Variants in GSTA5 observed in about 807,000 individuals in gnomAD.
The protein encoded by GSTA5 is glutathione S-transferase alpha 5.
In GSTA5, 25 loss-of-function variants were observed where a neutral mutation model predicts 21.8. The observed-to-expected ratio is 1.14, with a 90% CI of 0.83 to 1.60. The LOEUF is 1.60. Among genes scored for constraint, GSTA5 ranks in the 40% most tolerant of loss-of-function variants. The pLI is 0.00. For missense variants in GSTA5, 330 were observed against 259.2 expected, an observed-to-expected ratio of 1.27 and a Z score of -1.88; for synonymous variants, 102 against 89.5, an observed-to-expected ratio of 1.14 and a Z score of -0.78.
At chr6:52,836,267 G>T (rs1359924281) in exon 3 of GSTA5, 1 of 1,613,720 alleles carries the variant, frequency 6.2e-7, no homozygotes, top group East Asian at 2.2e-5. Context: ...TTCCCATAAA[G>T]GTTGTATTTG....
upstream of GSTA5, among the ~76,000 whole-genome samples, chr6:52,845,838 C>T (rs1764446552): frequency 6.6e-6 from 1 of 152,084 alleles, no homozygotes. Context: ...AATGCTGAGG[C>T]CCTGGTTTTC....
chr6:52,839,835 C>T (rs1384595953), intron 1 of GSTA5, among the ~76,000 whole-genome samples: 1 of 152,212 alleles, frequency 6.6e-6, no homozygotes, highest in Non-Finnish European at 1.5e-5. Flanking sequence ...GACCTGGTAA[C>T]ACTGGGGAAT....
chr6:52,833,850 G>C (rs1764252114), intron 4 of GSTA5, among the ~76,000 whole-genome samples: 1 of 152,172 alleles, frequency 6.6e-6, no homozygotes, highest in African/African-American at 2.4e-5. Context: ...GTGTGATCCA[G>C]AGCCCTCCAC....
chr6:52,837,667 T>C lies in GSTA5; in HGVS notation c.88-58A>G, dbSNP rs1764312601. On this transcript the variant is annotated intron_variant, in intron 1 of 5. Transcript: ENST00000370989. ...AGTTAATTCTATTATAGACTTGTGA[T>C]GTTGAATGGCCCCTATCTGGTGCAT... 14 of 1,210,350 alleles carry C rather than the reference T, an allele frequency of 1.2e-5. 1 individual carries two copies. The highest frequency in any genetic ancestry group is 1.7e-5 in the Non-Finnish European group (14 of 821,822). 75.0% of individuals were successfully genotyped at this position (1,210,350 alleles called of 1,614,324 possible).
intron 3 of GSTA5, among the ~76,000 whole-genome samples, chr6:52,835,642 G>A (rs565427139): frequency 7.9e-4 from 120 of 152,302 alleles, no homozygotes; most frequent in African/African-American, 2.8e-3. Context: ...TCACAACAGA[G>A]AGGAGACCCC....
rs989363535 is a variant in GSTA5, at chr6:52,836,739, T to C, written c.140-371A>G. 5.9e-5 allele frequency among the ~76,000 whole-genome samples: 9 copies of C among 152,328 alleles called. 1 individual carries two copies. The highest frequency in any genetic ancestry group is 2.0e-4 in the Admixed American group (3 of 15,306). Reference sequence around the variant, plus strand: ...GTTGGCCAAACTGGTCTCGAACTCCTGACCTCAAATGATCCACCCGCCTCA... The same window carrying C: ...GTTGGCCAAACTGGTCTCGAACTCCCGACCTCAAATGATCCACCCGCCTCA... On this transcript the variant is annotated intron_variant, in intron 2 of 5. Transcript: ENST00000370989.
intron 2 of GSTA5, among the ~76,000 whole-genome samples, chr6:52,836,905 T>G (rs1184973972): frequency 6.6e-6 from 1 of 152,206 alleles, no homozygotes; most frequent in African/African-American, 2.4e-5. Context: ...TTGTTTTTAT[T>G]TCCCCTCCAG....
At chr6:52,839,113 C>T (rs1280113318) in intron 1 of GSTA5, among the ~76,000 whole-genome samples, 1 of 152,110 alleles carries the variant, frequency 6.6e-6, no homozygotes. Flanking sequence ...CAGTTCAGGA[C>T]AAACCTAAGG....
At chr6:52,834,254 C>A in exon 4 of GSTA5, 18 of 1,613,962 alleles carry the variant, frequency 1.1e-5, no homozygotes, top group Non-Finnish European at 1.5e-5. Flanking sequence ...TCAGTCAAAT[C>A]TACTATACCT....
At position 52,836,338 on chromosome 6, in the gene GSTA5, A is replaced by G. The variant is rs544701418; in HGVS notation, c.170T>C (p.Met57Thr). 2.5e-5 allele frequency: 40 copies of G among 1,613,840 alleles called. No homozygotes were observed. In the South Asian group the frequency reaches 3.3e-4, roughly 13 times the overall value. ...CAGCTTCATCCCGTCAATCTCAACC[A>G]TTGGTACTTGCTGGAACAGCAAACT... The change falls in exon 3 of 6, where the codon ATG becomes ACG. Residue 57 changes from methionine (M) to threonine (T), a missense_variant. Coordinates refer to ENST00000370989, the Ensembl canonical transcript of GSTA5.
At chr6:52,833,413 T>C (rs1764245600) in intron 4 of GSTA5, among the ~76,000 whole-genome samples, 1 of 152,190 alleles carries the variant, frequency 6.6e-6, no homozygotes, top group Admixed American at 6.5e-5. Context: ...GACAACACTT[T>C]TCCCCTAGAA....
intron 2 of GSTA5, 81 bp downstream of exon 2, chr6:52,837,477 A>T (rs1006353954): frequency 1.2e-6 from 1 of 869,254 alleles, no homozygotes; most frequent in Non-Finnish European, 1.9e-6. Context: ...CCCCACACAC[A>T]TAGGTATTCC....
chr6:52,834,188 A>G (rs187222259), exon 4 of GSTA5: 2 of 1,614,202 alleles, frequency 1.2e-6, no homozygotes, highest in African/African-American at 2.7e-5. Context: ...TCTTTGACCA[A>G]GGCAGTCTTG....
At chr6:52,839,973 C>T (rs1241363173) in intron 1 of GSTA5, among the ~76,000 whole-genome samples, 7 of 152,226 alleles carry the variant, frequency 4.6e-5, no homozygotes, top group African/African-American at 1.7e-4. Flanking sequence ...ATCTCCATGA[C>T]CTAGTACAGA....
intron 1 of GSTA5, among the ~76,000 whole-genome samples, chr6:52,839,876 A>T (rs1409339861): frequency 6.6e-6 from 1 of 152,214 alleles, no homozygotes; most frequent in Non-Finnish European, 1.5e-5. Context: ...TCCACGCCTC[A>T]TTTTAACCAC....
Position 52,837,734 on chromosome 6 carries a change from A to G in GSTA5, c.88-125T>C, listed in dbSNP as rs188037627. 7.1e-4 allele frequency: 451 copies of G among 631,704 alleles called. 5 individuals carry two copies. The highest frequency in any genetic ancestry group is 2.4e-3 in the South Asian group (120 of 51,048). 39.1% of individuals were successfully genotyped at this position (631,704 alleles called of 1,614,324 possible). On this transcript the variant is annotated intron_variant, in intron 1 of 5. Transcript: ENST00000370989. ...GATTTCTGAGTTTCGCAGGATATAC[A>G]GAGGGGGCTGGTAATGGCCATTTGG...
chr6:52,844,193 G>C (rs762005472), upstream of GSTA5, among the ~76,000 whole-genome samples: 3 of 152,206 alleles, frequency 2.0e-5, no homozygotes, highest in Non-Finnish European at 2.9e-5. Flanking sequence ...TGTTGGGTCA[G>C]CCTGAACTCC....
At chr6:52,832,685 A>T (rs913765855) in intron 5 of GSTA5, among the ~76,000 whole-genome samples, 174 bp downstream of exon 5, 10 of 152,204 alleles carry the variant, frequency 6.6e-5, no homozygotes, top group African/African-American at 2.4e-4. Flanking sequence ...CCTTTCCAGA[A>T]CAAAAGTGTT....
intron 1 of GSTA5, 51 bp downstream of exon 1, chr6:52,840,676 G>T: frequency 1.3e-6 from 2 of 1,496,276 alleles, no homozygotes; most frequent in Non-Finnish European, 1.9e-6. Flanking sequence ...GGAAAAGTAT[G>T]TGATAACGCA....
Sources: gnomAD v4.1 joint callset for allele counts (sites outside exome capture counted in the v4.1 genomes callset) on GRCh38, gnomAD v4.1.1 for gene constraint, MANE v1.5 for transcripts, NCBI Gene and HGNC (gene_info 2026-07-23, HGNC 2026-07-21) for gene names.